PCCB: variants seen among roughly 807,000 people sequenced by gnomAD.
The protein encoded by PCCB is propionyl-CoA carboxylase subunit beta, also known as propionyl-CoA carboxylase beta chain, mitochondrial.
A neutral mutation model predicts 60.7 loss-of-function variants in PCCB; 43 were observed. The observed-to-expected ratio is 0.71, with a 90% CI of 0.55 to 0.91. The LOEUF is 0.91. PCCB is among the 40% of genes least tolerant of loss of function. PCCB has a pLI of 0.00. For synonymous variants in PCCB, 276 were observed against 255.9 expected (o/e 1.08, Z -0.75); for missense variants, 766 against 702.8 (o/e 1.09, Z -1.02).
At chr3:136,275,052 T>TC (rs899940210) in intron 5 of PCCB, among the ~76,000 whole-genome samples, 6 of 152,142 alleles carry the variant, frequency 3.9e-5, no homozygotes, top group Non-Finnish European at 8.8e-5. Flanking sequence ...GCTCAAGCAG[T>TC]CCACCTGCCT....
At chr3:136,269,885 CAAAAAA>C (rs1159032335) in intron 5 of PCCB, among the ~76,000 whole-genome samples, 48 of 60,626 alleles carry the variant, frequency 7.9e-4, no homozygotes, top group African/African-American at 2.8e-3. Context: ...GACTCTGTCT[CAAAAAA>C]AAAAAAAAAA....
intron 5 of PCCB, among the ~76,000 whole-genome samples, chr3:136,267,909 G>A (rs899829634): frequency 6.4e-5 from 8 of 125,764 alleles, no homozygotes; most frequent in Admixed American, 1.6e-4. Context: ...TGAAGATTTT[G>A]TTTTCTTCAT....
intron 6 of PCCB, among the ~76,000 whole-genome samples, chr3:136,286,050 A>G (rs747739323): frequency 2.0e-5 from 3 of 152,254 alleles, no homozygotes; most frequent in Non-Finnish European, 2.9e-5. Context: ...TAGCCCTACC[A>G]GGTGCCAGGA....
At chr3:136,298,346 C>T (rs1477889154) in intron 8 of PCCB, among the ~76,000 whole-genome samples, 1 of 152,106 alleles carries the variant, frequency 6.6e-6, no homozygotes, top group Non-Finnish European at 1.5e-5. Flanking sequence ...TTCTAAGAAA[C>T]TCTCAAGTTA....
At chr3:136,269,078 C>T (rs920972870) in intron 5 of PCCB, among the ~76,000 whole-genome samples, 1 of 151,942 alleles carries the variant, frequency 6.6e-6, no homozygotes, top group Non-Finnish European at 1.5e-5. Flanking sequence ...GTCACAAGTT[C>T]GAGACTAGCC....
At chr3:136,253,280 G>A in intron 1 of PCCB, among the ~76,000 whole-genome samples, 1 of 151,698 alleles carries the variant, frequency 6.6e-6, no homozygotes, top group Non-Finnish European at 1.5e-5. Context: ...TAGTATAGAC[G>A]GGGTTTCACC....
rs1040671302 is a variant in PCCB, at chr3:136,305,082, C to T, written c.966+3971C>T. 2.0e-4 allele frequency among the ~76,000 whole-genome samples: 24 copies of T among 121,140 alleles called. 3 individuals carry two copies. Among genetic ancestry groups the T allele is most frequent in the African/African-American group, 5.3e-4 (21 of 39,894 alleles). The allele number at this position is 121,140 out of a possible 152,430, so 79.5% of individuals were successfully genotyped here. A position where few individuals can be genotyped will look rare whatever the true frequency, so the allele number is the denominator to read the frequency against. On this transcript the variant is annotated intron_variant, in intron 9 of 14. Coordinates refer to ENST00000251654, the MANE Select transcript of PCCB (RefSeq NM_000532.5). ...TAACTTTAATTACCTCTGGAACATC[C>T]CTCTCTCCAAATTCACTTTTTTTTT...
At chr3:136,277,207 C>A (rs1942350292) in intron 5 of PCCB, among the ~76,000 whole-genome samples, 1 of 152,202 alleles carries the variant, frequency 6.6e-6, no homozygotes, top group Non-Finnish European at 1.5e-5. Context: ...TAGTAGTGAA[C>A]TGGTCACGTG....
intron 5 of PCCB, among the ~76,000 whole-genome samples, chr3:136,269,674 A>G (rs1478238494): frequency 6.6e-6 from 1 of 152,024 alleles, no homozygotes; most frequent in East Asian, 1.9e-4. Flanking sequence ...TCACGAGGTC[A>G]GGAGATAGAG....
intron 5 of PCCB, among the ~76,000 whole-genome samples, chr3:136,272,851 TCTG>T (rs1474015976): frequency 6.6e-6 from 1 of 152,166 alleles, no homozygotes; most frequent in African/African-American, 2.4e-5. Flanking sequence ...TGTTATTTCT[TCTG>T]CTGGCATTGG....
intron 9 of PCCB, among the ~76,000 whole-genome samples, chr3:136,301,824 G>C (rs1376583902): frequency 2.0e-5 from 3 of 152,180 alleles, no homozygotes; most frequent in African/African-American, 7.2e-5. Context: ...ATTAGCCTGA[G>C]ATGTAACCTT....
At chr3:136,277,173 G>A (rs1942349560) in intron 5 of PCCB, among the ~76,000 whole-genome samples, 1 of 152,196 alleles carries the variant, frequency 6.6e-6, no homozygotes. Flanking sequence ...TTAGTGTGCT[G>A]GCTTTCTCGA....
chr3:136,291,500 A>AACAG (rs1933686662), intron 6 of PCCB, among the ~76,000 whole-genome samples: 1 of 152,158 alleles, frequency 6.6e-6, no homozygotes, highest in Non-Finnish European at 1.5e-5. Flanking sequence ...AGTGTTCTGT[A>AACAG]GTCTTATGAG....
chr3:136,299,727 T>C (rs887716391), intron 8 of PCCB, among the ~76,000 whole-genome samples: 2 of 149,744 alleles, frequency 1.3e-5, no homozygotes, highest in Non-Finnish European at 3.0e-5. Flanking sequence ...TATGTATGTA[T>C]ATGCATGTGT....
chr3:136,261,597 T>G (rs539824178), intron 4 of PCCB, among the ~76,000 whole-genome samples: 1 of 152,300 alleles, frequency 6.6e-6, no homozygotes, highest in East Asian at 1.9e-4. Context: ...ACTTTGCCAT[T>G]CTGTCTACTG....
chr3:136,316,793 G>A, intron 9 of PCCB, 148 bp from the exon 10 acceptor site: 1 of 882,802 alleles, frequency 1.1e-6, no homozygotes, highest in South Asian at 1.4e-5. Flanking sequence ...TCTGCCTGTT[G>A]TCCTGCTTCC....
chr3:136,299,357 T>C (rs919742195), intron 8 of PCCB, among the ~76,000 whole-genome samples: 2 of 152,050 alleles, frequency 1.3e-5, no homozygotes, highest in African/African-American at 4.8e-5. Flanking sequence ...CATGCATACA[T>C]ATGCATGCAT....
intron 10 of PCCB, among the ~76,000 whole-genome samples, chr3:136,318,601 C>T (rs980761851): frequency 3.9e-5 from 6 of 152,204 alleles, no homozygotes; most frequent in African/African-American, 1.2e-4. Flanking sequence ...TACTTTCTCT[C>T]TCTATGAATT....
At chr3:136,271,923 A>C (rs766659967) in intron 5 of PCCB, among the ~76,000 whole-genome samples, 2 of 152,164 alleles carry the variant, frequency 1.3e-5, no homozygotes, top group South Asian at 2.1e-4. Context: ...GAAAGTGGGC[A>C]TCCTTGTCTT....
Sources: allele counts gnomAD v4.1 joint callset (sites outside exome capture counted in the v4.1 genomes callset), GRCh38; gene constraint gnomAD v4.1.1; transcripts MANE v1.5; gene names NCBI Gene and HGNC (gene_info 2026-07-23, HGNC 2026-07-21).